Variants in ZNF385D observed in about 807,000 individuals in gnomAD.
ZNF385D encodes zinc finger protein 659.
A neutral mutation model predicts 35.8 loss-of-function variants in ZNF385D; 15 were observed. That is an observed-to-expected ratio of 0.42 (90% CI 0.28 to 0.64). The LOEUF (loss-of-function observed/expected upper bound fraction) is 0.64. ZNF385D is among the 30% of genes least tolerant of loss of function. The pLI is 0.23. For missense variants in ZNF385D, 474 were observed against 494.6 expected, an observed-to-expected ratio of 0.96 and a Z score of 0.39; for synonymous variants, 212 against 186.8, an observed-to-expected ratio of 1.13 and a Z score of -1.10.
At chr3:22,046,480 TCTA>T (rs1438189514) in intron 3 of ZNF385D, among the ~76,000 whole-genome samples, 1 of 152,150 alleles carries the variant, frequency 6.6e-6, no homozygotes, top group Non-Finnish European at 1.5e-5. Context: ...GACCAAAAAA[TCTA>T]CTAGACATTT....
At chr3:21,629,909 G>A (rs968088863) in intron 2 of ZNF385D, among the ~76,000 whole-genome samples, 1 of 152,094 alleles carries the variant, frequency 6.6e-6, no homozygotes. Context: ...ATGAAGGTGA[G>A]GAAATCCATC....
chr3:22,108,030 G>C (rs1702316126), intron 3 of ZNF385D, among the ~76,000 whole-genome samples: 1 of 151,478 alleles, frequency 6.6e-6, no homozygotes, highest in Admixed American at 6.6e-5. Flanking sequence ...GATGCAGAAA[G>C]AACGCCCTTA....
chr3:22,039,975 G>A lies in ZNF385D; in HGVS notation c.325+128842C>T, dbSNP rs117135606. Among the ~76,000 whole-genome samples, 805 of 152,222 alleles carry A rather than the reference G, an allele frequency of 5.3e-3. 9 individuals are homozygous for A. Among genetic ancestry groups the A allele is most frequent in the East Asian group, 0.048 (250 of 5,162 alleles). Reference sequence around the variant, plus strand: ...TACCTAGCAGGAGATCAGAAACAAGGAGGATCATGAGGCTGAATATTTGGC... The same window carrying A: ...TACCTAGCAGGAGATCAGAAACAAGAAGGATCATGAGGCTGAATATTTGGC... On this transcript the variant is annotated intron_variant, in intron 3 of 5. Transcript: ENST00000494108.
At chr3:22,163,000 T>C (rs370305397) in intron 3 of ZNF385D, among the ~76,000 whole-genome samples, 4 of 152,250 alleles carry the variant, frequency 2.6e-5, no homozygotes, top group South Asian at 4.1e-4. Context: ...TAGCCTGTGA[T>C]AGAATTGAAA....
chr3:22,200,761 C>A (rs1211284566), intron 2 of ZNF385D, among the ~76,000 whole-genome samples: 1 of 152,066 alleles, frequency 6.6e-6, no homozygotes, highest in Admixed American at 6.6e-5. Context: ...TATAGACCTA[C>A]CCCCAGGCGC....
chr3:21,866,865 T>C (rs143492827), intron 3 of ZNF385D, among the ~76,000 whole-genome samples: 70 of 152,252 alleles, frequency 4.6e-4, no homozygotes, highest in African/African-American at 1.6e-3. Context: ...GCCCACATCT[T>C]TGGGCTTAAG....
chr3:22,044,654 G>A (rs943684573), intron 3 of ZNF385D, among the ~76,000 whole-genome samples: 1 of 152,034 alleles, frequency 6.6e-6, no homozygotes, highest in Admixed American at 6.6e-5. Flanking sequence ...ATGGGATACA[G>A]GGCACAGATT....
At chr3:21,702,603 A>G (rs564843138) in intron 1 of ZNF385D, among the ~76,000 whole-genome samples, 2 of 152,300 alleles carry the variant, frequency 1.3e-5, no homozygotes, top group East Asian at 3.9e-4. Context: ...TTTCTTTTCG[A>G]CTGCATCATC....
chr3:21,934,608 C>A (rs1701172250), intron 3 of ZNF385D, among the ~76,000 whole-genome samples: 1 of 152,070 alleles, frequency 6.6e-6, no homozygotes, highest in Non-Finnish European at 1.5e-5. Context: ...GACTACATCA[C>A]AAAGACATTA....
intron 3 of ZNF385D, among the ~76,000 whole-genome samples, chr3:22,115,720 T>C (rs74362382): frequency 6.6e-6 from 1 of 152,054 alleles, no homozygotes; most frequent in African/African-American, 2.4e-5. Flanking sequence ...TGTAATGTAG[T>C]AGTAGATTTC....
chr3:22,307,765 TTC>T (rs1203105036), intron 2 of ZNF385D, among the ~76,000 whole-genome samples: 1 of 151,752 alleles, frequency 6.6e-6, no homozygotes, highest in Non-Finnish European at 1.5e-5. Flanking sequence ...AAAAAAAACT[TTC>T]TTTCTTAGGG....
chr3:21,459,275 C>A (rs965308641), intron 4 of ZNF385D: 2 of 152,094 alleles, frequency 1.3e-5, no homozygotes, highest in Non-Finnish European at 2.9e-5. Flanking sequence ...AACACCTTGT[C>A]TATATTGCTA....
chr3:22,209,031 G>C (rs1697341943), intron 2 of ZNF385D, among the ~76,000 whole-genome samples: 1 of 151,836 alleles, frequency 6.6e-6, no homozygotes, highest in Non-Finnish European at 1.5e-5. Context: ...CTCAGTCTTT[G>C]ATATGGCCAC....
At chr3:22,186,673 A>G (rs963003272) in intron 2 of ZNF385D, among the ~76,000 whole-genome samples, 1 of 152,154 alleles carries the variant, frequency 6.6e-6, no homozygotes, top group Non-Finnish European at 1.5e-5. Context: ...TCTCATGAGA[A>G]TAATTTCCTA....
chr3:21,629,319 C>T (rs1185547404), intron 2 of ZNF385D, among the ~76,000 whole-genome samples: 1 of 152,118 alleles, frequency 6.6e-6, no homozygotes, highest in Non-Finnish European at 1.5e-5. Context: ...TTGGGGCCTA[C>T]AGAAGCTGAT....
At chr3:22,136,732 A>G (rs1704141095) in intron 3 of ZNF385D, among the ~76,000 whole-genome samples, 1 of 152,204 alleles carries the variant, frequency 6.6e-6, no homozygotes, top group Non-Finnish European at 1.5e-5. Flanking sequence ...TGGTACATTC[A>G]AAAAATGAAA....
intron 3 of ZNF385D, among the ~76,000 whole-genome samples, chr3:22,005,113 A>T (rs1182779215): frequency 6.6e-6 from 1 of 151,278 alleles, no homozygotes; most frequent in Non-Finnish European, 1.5e-5. Context: ...CCCATTAAAA[A>T]GTGGGCAAAG....
chr3:22,238,144 A>G (rs552998464), intron 2 of ZNF385D, among the ~76,000 whole-genome samples: 2 of 151,280 alleles, frequency 1.3e-5, no homozygotes, highest in South Asian at 2.2e-4. Flanking sequence ...TGCACTCTCA[A>G]TTCTATTCTA....
intron 3 of ZNF385D, among the ~76,000 whole-genome samples, chr3:21,919,358 G>T (rs1299982251): frequency 6.6e-6 from 1 of 152,194 alleles, no homozygotes; most frequent in Admixed American, 6.5e-5. Flanking sequence ...TTTGAAAGCT[G>T]CCTGCCTTTC....
Sources: allele counts gnomAD v4.1 joint callset (sites outside exome capture counted in the v4.1 genomes callset), GRCh38; gene constraint gnomAD v4.1.1; transcripts MANE v1.5; gene names NCBI Gene and HGNC (gene_info 2026-07-23, HGNC 2026-07-21).